VAMP4: variants seen among roughly 807,000 people sequenced by gnomAD.
VAMP4 encodes vesicle-associated membrane protein 4.
VAMP4 carries 19 observed loss-of-function variants against 23.5 expected under a neutral mutation model. The ratio of observed to expected loss-of-function variants is 0.81; its 90% CI spans 0.56 to 1.19. The LOEUF is 1.19. VAMP4 is among the 50% of genes most tolerant of loss of function. The pLI, the probability that VAMP4 is intolerant of heterozygous loss-of-function variation, is 0.00. For synonymous variants in VAMP4, 31 were observed against 51.0 expected (o/e 0.61, Z 1.67); for missense variants, 145 against 168.6 (o/e 0.86, Z 0.78).
At chr1:171,726,943 A>C (rs1655389467) in intron 3 of VAMP4, among the ~76,000 whole-genome samples, 1 of 152,128 alleles carries the variant, frequency 6.6e-6, no homozygotes, top group Non-Finnish European at 1.5e-5. Flanking sequence ...AATATATAAA[A>C]ACTCTTGGCC....
chr1:171,707,215 A>G (rs1572237974), intron 6 of VAMP4, among the ~76,000 whole-genome samples: 1 of 152,204 alleles, frequency 6.6e-6, no homozygotes. Flanking sequence ...GAGAGGTGTT[A>G]GCGATTCTCT....
intron 4 of VAMP4, among the ~76,000 whole-genome samples, chr1:171,715,044 G>T (rs1654984131): frequency 6.6e-6 from 1 of 152,110 alleles, no homozygotes; most frequent in African/African-American, 2.4e-5. Flanking sequence ...TGGTGAGAAA[G>T]TTCTAGGATA....
chr1:171,726,536 T>G (rs1655377455), intron 3 of VAMP4, among the ~76,000 whole-genome samples: 1 of 152,204 alleles, frequency 6.6e-6, no homozygotes, highest in South Asian at 2.1e-4. Context: ...CAACTAATTT[T>G]TTATGAGATA....
At chr1:171,705,247 C>A (rs1654613112) in intron 7 of VAMP4, among the ~76,000 whole-genome samples, 2 of 152,092 alleles carry the variant, frequency 1.3e-5, no homozygotes, top group South Asian at 2.1e-4. Context: ...TCAAGGCCAA[C>A]AGCACTATAA....
intron 7 of VAMP4, among the ~76,000 whole-genome samples, chr1:171,705,681 AT>A (rs60051769): frequency 9.2e-5 from 14 of 152,076 alleles, no homozygotes; most frequent in African/African-American, 3.4e-4. Flanking sequence ...GTAACAAAAC[AT>A]TTTTTTCTGT....
At chr1:171,715,974 C>T (rs1192144051) in intron 4 of VAMP4, among the ~76,000 whole-genome samples, 1 of 152,144 alleles carries the variant, frequency 6.6e-6, no homozygotes, top group Non-Finnish European at 1.5e-5. Context: ...GCACTCTAGC[C>T]TGGGTGATGG....
intron 2 of VAMP4, 69 bp from the exon 3 acceptor site, chr1:171,728,639 T>C (rs1558113127): frequency 4.8e-6 from 7 of 1,459,994 alleles, no homozygotes; most frequent in Non-Finnish European, 6.4e-6. Context: ...AGAGGAGTAA[T>C]GAAATAAGTC....
At chr1:171,713,840 A>AC (rs910487604) in intron 4 of VAMP4, among the ~76,000 whole-genome samples, 3 of 152,130 alleles carry the variant, frequency 2.0e-5, no homozygotes, top group African/African-American at 7.2e-5. Flanking sequence ...AGGAAAAAAA[A>AC]CATAACCCTT....
rs755159279 is a variant in VAMP4 at position 171,701,643 on chromosome 1, T to C, written c.*2863A>G. 1 of 152,204 alleles carries C rather than the reference T, an allele frequency of 6.6e-6. No homozygotes were observed. Among genetic ancestry groups the C allele is most frequent in the Non-Finnish European group, 1.5e-5 (1 of 68,006 alleles). The allele number at this position is 152,204 out of a possible 1,614,324, so 9.4% of individuals were successfully genotyped here. A position where few individuals can be genotyped will look rare whatever the true frequency, so the allele number is the denominator to read the frequency against. Reference sequence around the variant, plus strand: ...CACAGAAAGACTACAATAGGCAATCTATAGCAGGGCTAACAAAGTATTTCT... The same window carrying C: ...CACAGAAAGACTACAATAGGCAATCCATAGCAGGGCTAACAAAGTATTTCT... On this transcript the variant is annotated 3_prime_UTR_variant, in exon 8 of 8. Transcript: ENST00000236192.
At chr1:171,725,752 G>A (rs1333614814) in intron 3 of VAMP4, among the ~76,000 whole-genome samples, 4 of 151,324 alleles carry the variant, frequency 2.6e-5, no homozygotes, top group Non-Finnish European at 2.9e-5. Context: ...ATGCAGTGGC[G>A]TGATCTTGGC....
intron 2 of VAMP4, among the ~76,000 whole-genome samples, chr1:171,734,644 T>C (rs1655680885): frequency 6.6e-6 from 1 of 152,108 alleles, no homozygotes; most frequent in Non-Finnish European, 1.5e-5. Context: ...AAAAGTATAA[T>C]AGGAAAGAGG....
chr1:171,703,287 T>C lies in VAMP4; in HGVS notation c.*1219A>G, dbSNP rs1654510197. The stretch of plus-strand genomic sequence containing the variant: ...GACTTGTTTAAAAGACACAAGGAGG[T>C]TGGCATATTTTAAAGTTAACACATT... On this transcript the variant is annotated 3_prime_UTR_variant, in exon 8 of 8. Coordinates refer to ENST00000236192, the MANE Select transcript of VAMP4 (RefSeq NM_003762.5). 6.7e-6 allele frequency: 1 copy of C among 149,830 alleles called. No individual in the cohort carries two copies. The highest frequency in any genetic ancestry group is 2.4e-5 in the African/African-American group (1 of 40,972). 9.3% of individuals were successfully genotyped at this position (149,830 alleles called of 1,614,324 possible). A position where few individuals can be genotyped will look rare whatever the true frequency, so the allele number is the denominator to read the frequency against.
At chr1:171,741,020 G>T (rs140251385) in intron 1 of VAMP4, among the ~76,000 whole-genome samples, 171 of 152,306 alleles carry the variant, frequency 1.1e-3, no homozygotes, top group African/African-American at 3.8e-3. Context: ...CTAGGATATA[G>T]TCTGCCTAAG....
chr1:171,714,469 C>CA, intron 4 of VAMP4, among the ~76,000 whole-genome samples: 1 of 152,114 alleles, frequency 6.6e-6, no homozygotes, highest in South Asian at 2.1e-4. Flanking sequence ...ATCATTCATT[C>CA]AAAAAACATT....
chr1:171,723,092 G>C (rs144461834), intron 3 of VAMP4, among the ~76,000 whole-genome samples: 1 of 152,094 alleles, frequency 6.6e-6, no homozygotes, highest in African/African-American at 2.4e-5. Context: ...CCCCTACGCC[G>C]CAAAACCAGC....
At chr1:171,731,452 T>TA (rs60073135) in intron 2 of VAMP4, among the ~76,000 whole-genome samples, 26,911 of 152,024 alleles carry the variant, frequency 0.18, 3,076 homozygotes, top group African/African-American at 0.33. Flanking sequence ...CAACAAATGC[T>TA]ATGCAGAGAA....
rs200505707 is a variant in VAMP4, at chr1:171,704,896, AGAG to A, written c.398-365_398-363del. ...AACATGCTTGTATATTAATAGGAAA[AGAG>A]AAGTATATATAATAGTTATATTAGT... On this transcript the variant is annotated intron_variant, in intron 7 of 7. Transcript: ENST00000236192. Among the ~76,000 whole-genome samples the A allele has an allele frequency of 3.1e-3, 476 of 152,106 alleles. 2 individuals are homozygous for A. The highest frequency in any genetic ancestry group is 0.011 in the African/African-American group (442 of 41,498).
In VAMP4 at chr1:171,702,621, A is replaced by G. The variant is rs1008326691; in HGVS notation, c.*1885T>C. ...TAGTTCCAATTCAAATAAAGGACATACATACAAATGTTAGGACTGATTCTG... is the reference window on the plus strand; with the variant it reads ...TAGTTCCAATTCAAATAAAGGACATGCATACAAATGTTAGGACTGATTCTG... On this transcript the variant is annotated 3_prime_UTR_variant, in exon 8 of 8. Coordinates refer to ENST00000236192, the MANE Select transcript of VAMP4 (RefSeq NM_003762.5). The G allele has an allele frequency of 6.6e-6, 1 of 151,978 alleles. No homozygotes were observed. Among genetic ancestry groups the G allele is most frequent in the Non-Finnish European group, 1.5e-5 (1 of 67,856 alleles). 9.4% of individuals were successfully genotyped at this position (151,978 alleles called of 1,614,324 possible). A position where few individuals can be genotyped will look rare whatever the true frequency, so the allele number is the denominator to read the frequency against.
At chr1:171,724,037 G>A (rs968455616) in intron 3 of VAMP4, among the ~76,000 whole-genome samples, 3 of 152,024 alleles carry the variant, frequency 2.0e-5, no homozygotes, top group Admixed American at 1.3e-4. Context: ...TGTTTATTGT[G>A]GCACTATTCA....
Sources: gnomAD v4.1 joint callset for allele counts (sites outside exome capture counted in the v4.1 genomes callset) on GRCh38, gnomAD v4.1.1 for gene constraint, MANE v1.5 for transcripts, NCBI Gene and HGNC (gene_info 2026-07-23, HGNC 2026-07-21) for gene names.